Variants in CALN1 observed in about 807,000 individuals in gnomAD.
CALN1 encodes the protein calcium-binding protein 8.
Under a neutral mutation model 30.6 loss-of-function variants are expected in CALN1, and 17 were observed. The ratio of observed to expected loss-of-function variants is 0.56; its 90% CI spans 0.38 to 0.83. The LOEUF is 0.83. CALN1 is among the 40% of genes least tolerant of loss of function. CALN1 has a pLI of 0.00. For synonymous variants in CALN1, 156 were observed against 131.4 expected, an observed-to-expected ratio of 1.19 and a Z score of -1.28; for missense variants, 291 against 354.9, an observed-to-expected ratio of 0.82 and a Z score of 1.45.
chr7:71,806,864 T>G (rs1337048116), intron 6 of CALN1, among the ~76,000 whole-genome samples: 1 of 152,164 alleles, frequency 6.6e-6, no homozygotes, highest in Non-Finnish European at 1.5e-5. Context: ...GGGAATGGAT[T>G]TGAGGGTTCC....
chr7:72,437,363 T>A (rs928963227), intron 1 of CALN1, among the ~76,000 whole-genome samples: 1 of 152,136 alleles, frequency 6.6e-6, no homozygotes, highest in African/African-American at 2.4e-5. Flanking sequence ...TGAAATAAAG[T>A]TGACAGATTA....
In CALN1 at chr7:72,403,176, C is replaced by T. The variant is rs914400940; in HGVS notation, c.119+75G>A. 8.4e-6 allele frequency: 10 copies of T among 1,192,626 alleles called. No homozygotes were observed. The African/African-American group carries it at 1.5e-4, about 18-fold the overall frequency. 73.9% of individuals were successfully genotyped at this position (1,192,626 alleles called of 1,614,324 possible). On this transcript the variant is annotated intron_variant, in intron 2 of 6. Coordinates refer to ENST00000395275, the MANE Select transcript of CALN1 (RefSeq NM_031468.4). ...AGACACGCAGCAGCGGCAAAGCCTC[C>T]TGGACCCCGCGCCACCCCCTACCTG...
upstream of CALN1, among the ~76,000 whole-genome samples, chr7:72,447,800 T>G (rs73366923): frequency 6.8e-6 from 1 of 146,528 alleles, no homozygotes; most frequent in African/African-American, 2.6e-5. Context: ...TGCTCGTGTA[T>G]ATGCATACAC....
chr7:71,854,391 A>C (rs112207723), intron 5 of CALN1, among the ~76,000 whole-genome samples: 4 of 152,088 alleles, frequency 2.6e-5, no homozygotes, highest in African/African-American at 9.7e-5. Context: ...GAAAGAAAGA[A>C]AGAAGGAAAG....
intron 5 of CALN1, among the ~76,000 whole-genome samples, chr7:71,908,075 T>G (rs1303826039): frequency 6.6e-6 from 1 of 152,216 alleles, no homozygotes; most frequent in East Asian, 1.9e-4. Flanking sequence ...TTTTACTTGG[T>G]TCTGTTACCC....
chr7:72,127,148 G>A (rs560513735), intron 3 of CALN1, among the ~76,000 whole-genome samples: 7 of 151,958 alleles, frequency 4.6e-5, no homozygotes, highest in Non-Finnish European at 7.4e-5. Context: ...CAGAGGTTAG[G>A]GTATTGAGGG....
At chr7:72,321,003 T>C (rs893342629) in intron 2 of CALN1, among the ~76,000 whole-genome samples, 3 of 152,112 alleles carry the variant, frequency 2.0e-5, no homozygotes, top group Admixed American at 1.3e-4. Flanking sequence ...AAAACGTTAT[T>C]GAAAAGATTA....
intron 1 of CALN1, among the ~76,000 whole-genome samples, chr7:72,442,360 A>G (rs1002340230): frequency 4.6e-5 from 7 of 152,218 alleles, no homozygotes; most frequent in Non-Finnish European, 8.8e-5. Flanking sequence ...AACGCCTCCA[A>G]GAGTTTTCAT....
intron 6 of CALN1, 73 bp from the exon 7 acceptor site, chr7:71,787,975 GT>G: frequency 6.3e-7 from 1 of 1,597,252 alleles, no homozygotes; most frequent in East Asian, 2.2e-5. Context: ...AAATAACACA[GT>G]GAGATAGGTT....
chr7:72,254,545 T>C (rs974668960), intron 3 of CALN1, among the ~76,000 whole-genome samples: 3 of 152,104 alleles, frequency 2.0e-5, no homozygotes, highest in Non-Finnish European at 4.4e-5. Flanking sequence ...TGTTTTACTG[T>C]GAGAGGGCAA....
intron 5 of CALN1, among the ~76,000 whole-genome samples, chr7:71,866,592 A>C (rs1168710106): frequency 1.3e-5 from 2 of 152,154 alleles, no homozygotes; most frequent in Non-Finnish European, 2.9e-5. Context: ...GCCTTTTAGC[A>C]AGCTAATAAT....
At chr7:72,400,773 T>C (rs1806286845) in intron 2 of CALN1, among the ~76,000 whole-genome samples, 1 of 152,174 alleles carries the variant, frequency 6.6e-6, no homozygotes, top group African/African-American at 2.4e-5. Flanking sequence ...CCTCTGGCCT[T>C]AGATTTCATG....
At chr7:71,905,284 C>G (rs1674185981) in intron 5 of CALN1, among the ~76,000 whole-genome samples, 2 of 151,712 alleles carry the variant, frequency 1.3e-5, no homozygotes, top group South Asian at 4.2e-4. Flanking sequence ...TTTTGGGGTA[C>G]AAGTGGCTTT....
intron 3 of CALN1, among the ~76,000 whole-genome samples, chr7:72,167,867 TG>T (rs1371025966): frequency 6.6e-6 from 1 of 152,218 alleles, no homozygotes; most frequent in Non-Finnish European, 1.5e-5. Context: ...ATCACAGTCA[TG>T]TCAAGAGAGC....
At chr7:72,273,468 T>G (rs1456329925) in intron 3 of CALN1, among the ~76,000 whole-genome samples, 2 of 145,554 alleles carry the variant, frequency 1.4e-5, no homozygotes, top group Non-Finnish European at 3.0e-5. Context: ...GAATATTATC[T>G]CAGGTTTGGG....
chr7:71,878,583 A>G (rs550979700), intron 5 of CALN1, among the ~76,000 whole-genome samples: 4 of 152,260 alleles, frequency 2.6e-5, no homozygotes, highest in Non-Finnish European at 5.9e-5. Context: ...AAGCCGGAGG[A>G]GAAGGAAGTG....
chr7:72,363,169 T>C lies in CALN1; in HGVS notation c.119+40082A>G, dbSNP rs1235618811. Reference sequence around the variant, plus strand: ...TAGTTATTTTTGCTGATCCTCTCCCTCCTCCCACCCTCCACCCTCTGATAG... The same window carrying C: ...TAGTTATTTTTGCTGATCCTCTCCCCCCTCCCACCCTCCACCCTCTGATAG... On this transcript the variant is annotated intron_variant, in intron 2 of 6. Coordinates refer to ENST00000395275, the MANE Select transcript of CALN1 (RefSeq NM_031468.4). 2.6e-5 allele frequency among the ~76,000 whole-genome samples: 4 copies of C among 152,340 alleles called. No homozygotes were observed. The East Asian group carries it at 7.7e-4, about 29-fold the overall frequency.
intron 5 of CALN1, among the ~76,000 whole-genome samples, chr7:72,005,830 T>C (rs182135009): frequency 3.3e-5 from 5 of 152,254 alleles, no homozygotes; most frequent in Middle Eastern, 3.4e-3. Flanking sequence ...GATGTTGTCA[T>C]TAAAGGGCAA....
intron 3 of CALN1, among the ~76,000 whole-genome samples, chr7:72,196,178 C>T (rs995208308): frequency 6.6e-6 from 1 of 151,656 alleles, no homozygotes; most frequent in Non-Finnish European, 1.5e-5. Flanking sequence ...AGCGCAGTGG[C>T]GAGATCTCGG....
Sources: allele counts gnomAD v4.1 joint callset (sites outside exome capture counted in the v4.1 genomes callset), GRCh38; gene constraint gnomAD v4.1.1; transcripts MANE v1.5; gene names NCBI Gene and HGNC (gene_info 2026-07-23, HGNC 2026-07-21).